Variants in NTRK3 observed in about 807,000 individuals in gnomAD.
The protein encoded by NTRK3 is neurotrophic receptor tyrosine kinase 3, also known as NT-3 growth factor receptor.
NTRK3 carries 24 observed loss-of-function variants against 91.7 expected under a neutral mutation model. That is an observed-to-expected ratio of 0.26 (90% confidence interval 0.19 to 0.37). NTRK3 has a LOEUF of 0.37. Among genes scored for constraint, NTRK3 ranks in the 10% least tolerant of loss-of-function variants. NTRK3 has a pLI of 1.00. For missense variants in NTRK3, 880 were observed against 1,068.9 expected (o/e 0.82, Z 2.46); for synonymous variants, 483 against 404.0 (o/e 1.20, Z -2.34).
intron 13 of NTRK3, among the ~76,000 whole-genome samples, chr15:88,088,049 T>C (rs1421112262): frequency 6.6e-6 from 1 of 152,164 alleles, no homozygotes; most frequent in African/African-American, 2.4e-5. Context: ...AGTTCCCACC[T>C]TAAATAAATA....
At chr15:87,927,084 G>T (rs548795326) in intron 17 of NTRK3, 2 of 152,324 alleles carry the variant, frequency 1.3e-5, no homozygotes, top group South Asian at 4.1e-4. Flanking sequence ...ATATTTTCTG[G>T]CAGGTCTGCC....
intron 13 of NTRK3, among the ~76,000 whole-genome samples, chr15:88,118,312 G>T (rs900911273): frequency 6.6e-6 from 1 of 152,080 alleles, no homozygotes; most frequent in African/African-American, 2.4e-5. Flanking sequence ...CCTCTTCCGC[G>T]CAAGTGAAAG....
chr15:88,069,074 G>T (rs1597117115), intron 13 of NTRK3, among the ~76,000 whole-genome samples: 1 of 150,638 alleles, frequency 6.6e-6, no homozygotes, highest in South Asian at 2.1e-4. Context: ...GCTTAATCAT[G>T]GGGAGATGAA....
intron 9 of NTRK3, among the ~76,000 whole-genome samples, chr15:88,135,685 A>T (rs999729149): frequency 1.3e-5 from 2 of 152,208 alleles, no homozygotes. Flanking sequence ...GTTGACTTGG[A>T]GCCACACCAT....
At chr15:87,973,030 C>A (rs1200961886) in intron 14 of NTRK3, among the ~76,000 whole-genome samples, 1 of 152,154 alleles carries the variant, frequency 6.6e-6, no homozygotes, top group Non-Finnish European at 1.5e-5. Flanking sequence ...TTCCTTGTCC[C>A]CCTCGTTTTT....
At chr15:87,992,274 C>G (rs2075346608) in intron 14 of NTRK3, among the ~76,000 whole-genome samples, 1 of 152,196 alleles carries the variant, frequency 6.6e-6, no homozygotes, top group Non-Finnish European at 1.5e-5. Flanking sequence ...CTCACACTCT[C>G]TTGTTCACAT....
intron 13 of NTRK3, among the ~76,000 whole-genome samples, chr15:88,099,598 G>A (rs950761582): frequency 1.3e-5 from 2 of 152,172 alleles, no homozygotes; most frequent in Admixed American, 1.3e-4. Context: ...CACAGCAGTA[G>A]GAACATGGCA....
intron 17 of NTRK3, among the ~76,000 whole-genome samples, chr15:87,895,412 T>C (rs1478438512): frequency 6.6e-6 from 1 of 152,122 alleles, no homozygotes; most frequent in Admixed American, 6.6e-5. Flanking sequence ...GTCTGGGGAG[T>C]ATGCCCTAGA....
At chr15:88,017,958 A>G (rs952150085) in intron 14 of NTRK3, among the ~76,000 whole-genome samples, 17 of 152,206 alleles carry the variant, frequency 1.1e-4, no homozygotes, top group Non-Finnish European at 2.2e-4. Flanking sequence ...GAGTTGCTAT[A>G]TCACCAGCAA....
chr15:87,910,648 T>G (rs182013070), intron 17 of NTRK3, among the ~76,000 whole-genome samples: 9 of 152,296 alleles, frequency 5.9e-5, no homozygotes, highest in African/African-American at 1.9e-4. Context: ...GCATGAGGTT[T>G]GCAAAGCAGA....
At chr15:87,881,377 T>A (rs1368156005) in intron 17 of NTRK3, among the ~76,000 whole-genome samples, 1 of 151,934 alleles carries the variant, frequency 6.6e-6, no homozygotes, top group East Asian at 1.9e-4. Context: ...CCGGATGAGG[T>A]ATTACTTAAA....
At chr15:87,945,800 TG>T (rs1404824061) in intron 14 of NTRK3, among the ~76,000 whole-genome samples, 1 of 63,332 alleles carries the variant, frequency 1.6e-5, no homozygotes. Flanking sequence ...GAGTGAAGAC[TG>T]GGAAAAAAAA....
At chr15:88,063,679 C>T (rs188952096) in intron 13 of NTRK3, among the ~76,000 whole-genome samples, 1 of 152,314 alleles carries the variant, frequency 6.6e-6, no homozygotes, top group African/African-American at 2.4e-5. Flanking sequence ...CTAGCAGGCA[C>T]ATATCTATTT....
chr15:88,003,827 T>C (rs200911057), intron 14 of NTRK3, among the ~76,000 whole-genome samples: 2 of 70,116 alleles, frequency 2.9e-5, no homozygotes, highest in Admixed American at 1.5e-4. Context: ...TATATTTGGA[T>C]TTTTTTTTTT....
chr15:88,046,263 ATAGTT>A (rs1339601830), intron 13 of NTRK3, among the ~76,000 whole-genome samples: 2 of 152,174 alleles, frequency 1.3e-5, no homozygotes, highest in African/African-American at 4.8e-5. Context: ...CCTACAGACT[ATAGTT>A]CATGATTCAT....
At chr15:88,042,606 G>A (rs953523652) in intron 13 of NTRK3, among the ~76,000 whole-genome samples, 15 of 152,176 alleles carry the variant, frequency 9.9e-5, no homozygotes, top group South Asian at 2.1e-4. Context: ...AACCAAAGGC[G>A]TTGTTCATGC....
intron 14 of NTRK3, among the ~76,000 whole-genome samples, chr15:87,986,474 A>G (rs562297828): frequency 3.3e-4 from 50 of 152,352 alleles, no homozygotes; most frequent in African/African-American, 1.1e-3. Flanking sequence ...GAAATAGCTG[A>G]TTATCCTTTT....
intron 14 of NTRK3, among the ~76,000 whole-genome samples, chr15:87,971,719 G>T (rs538444247): frequency 1.3e-5 from 2 of 152,312 alleles, no homozygotes; most frequent in Middle Eastern, 3.4e-3. Flanking sequence ...CAAGAACCTA[G>T]CTGTGAGAGG....
intron 13 of NTRK3, among the ~76,000 whole-genome samples, chr15:88,092,953 A>AATC (rs2049163765): frequency 6.6e-6 from 1 of 152,024 alleles, no homozygotes; most frequent in Admixed American, 6.5e-5. Flanking sequence ...TCCTTAACTT[A>AATC]ATCACATCTA....
Sources: allele counts gnomAD v4.1 joint callset (sites outside exome capture counted in the v4.1 genomes callset), GRCh38; gene constraint gnomAD v4.1.1; transcripts MANE v1.5; gene names NCBI Gene and HGNC (gene_info 2026-07-23, HGNC 2026-07-21).